Variants in CNTN6 observed in about 807,000 individuals in gnomAD.
CNTN6 encodes contactin-6.
CNTN6 carries 137 observed loss-of-function variants against 122.8 expected under a neutral mutation model. That is an observed-to-expected ratio of 1.12 (90% CI 0.97 to 1.29). CNTN6 has a LOEUF of 1.29. CNTN6 is among the 50% of genes most tolerant of loss of function. The pLI is 0.00. For missense variants in CNTN6, 1,634 were observed against 1,223.4 expected, an observed-to-expected ratio of 1.34 and a Z score of -5.01; for synonymous variants, 570 against 426.0, an observed-to-expected ratio of 1.34 and a Z score of -4.16.
intron 20 of CNTN6, among the ~76,000 whole-genome samples, chr3:1,388,468 C>A (rs1015760778): frequency 2.6e-5 from 4 of 151,698 alleles, no homozygotes. Flanking sequence ...GGGGAAAAAA[C>A]AGAACAGAAA....
At chr3:1,124,793 G>A (rs978600513) in intron 1 of CNTN6, among the ~76,000 whole-genome samples, 1 of 151,858 alleles carries the variant, frequency 6.6e-6, no homozygotes, top group African/African-American at 2.4e-5. Context: ...CCTCCATGAA[G>A]ATTTTCTGAC....
chr3:1,216,336 G>T (rs2094130130), intron 2 of CNTN6, among the ~76,000 whole-genome samples: 1 of 152,144 alleles, frequency 6.6e-6, no homozygotes, highest in African/African-American at 2.4e-5. Context: ...GACGACATTA[G>T]GAAATCAAGA....
At chr3:1,300,562 AAAGAAAGAAAG>A (rs1354122768) in intron 7 of CNTN6, among the ~76,000 whole-genome samples, 1 of 23,828 alleles carries the variant, frequency 4.2e-5, no homozygotes, top group Non-Finnish European at 7.2e-5. Flanking sequence ...AAAGAAAAAG[AAAGAAAGAAAG>A]AAAGAAAGAA....
intron 6 of CNTN6, among the ~76,000 whole-genome samples, chr3:1,297,638 C>CTTTTTTTTTTTTTTTTTTT (rs71303106): frequency 7.2e-6 from 1 of 138,544 alleles, no homozygotes; most frequent in African/African-American, 2.6e-5. Context: ...TTGTTTTTTT[C>CTTTTTTTTTTTTTTTTTTT]TTTTTTTTTT....
intron 20 of CNTN6, among the ~76,000 whole-genome samples, chr3:1,389,593 T>A (rs545958279): frequency 6.6e-6 from 1 of 152,156 alleles, no homozygotes; most frequent in South Asian, 2.1e-4. Flanking sequence ...ATGGACTAAA[T>A]GCTCTAATTA....
intron 2 of CNTN6, among the ~76,000 whole-genome samples, chr3:1,156,596 CTT>C (rs1181287100): frequency 6.7e-6 from 1 of 148,668 alleles, no homozygotes; most frequent in East Asian, 2.0e-4. Context: ...CTCAGACTTT[CTT>C]TCTTTCTTTC....
intron 1 of CNTN6, among the ~76,000 whole-genome samples, chr3:1,102,871 G>T (rs2091003642): frequency 1.3e-5 from 2 of 151,080 alleles, no homozygotes; most frequent in East Asian, 2.0e-4. Flanking sequence ...ACTTTTGGAG[G>T]CCGAGGCGGG....
intron 7 of CNTN6, among the ~76,000 whole-genome samples, chr3:1,302,243 G>A (rs1697558112): frequency 1.3e-5 from 2 of 149,900 alleles, no homozygotes; most frequent in African/African-American, 2.5e-5. Flanking sequence ...TTTGGTTTTA[G>A]TCATTTTTTT....
chr3:1,160,108 C>T (rs1275971020), intron 2 of CNTN6, among the ~76,000 whole-genome samples: 3 of 152,006 alleles, frequency 2.0e-5, no homozygotes, highest in Non-Finnish European at 4.4e-5. Context: ...CATCAGCCAC[C>T]ACGCCCGGCC....
intron 8 of CNTN6, among the ~76,000 whole-genome samples, chr3:1,325,096 C>G (rs1349655514): frequency 6.6e-6 from 1 of 151,808 alleles, no homozygotes; most frequent in African/African-American, 2.4e-5. Context: ...TCCAACCCGC[C>G]TGTTTCCATG....
intron 1 of CNTN6, among the ~76,000 whole-genome samples, chr3:1,133,089 T>A (rs1487901104): frequency 6.6e-6 from 1 of 152,028 alleles, no homozygotes; most frequent in Admixed American, 6.6e-5. Context: ...CACCAAGCAA[T>A]ATGCCGAAAA....
At chr3:1,180,564 G>C (rs1051502119) in intron 2 of CNTN6, among the ~76,000 whole-genome samples, 14 of 152,158 alleles carry the variant, frequency 9.2e-5, no homozygotes, top group Admixed American at 7.9e-4. Flanking sequence ...GTTTCAACTA[G>C]AATAGAAATG....
intron 2 of CNTN6, among the ~76,000 whole-genome samples, chr3:1,211,840 G>A (rs1266171221): frequency 1.3e-5 from 2 of 152,156 alleles, no homozygotes; most frequent in African/African-American, 4.8e-5. Flanking sequence ...AAACACCAGA[G>A]CCCAAGAAGA....
At chr3:1,271,619 G>T (rs1315754164) in intron 4 of CNTN6, among the ~76,000 whole-genome samples, 1 of 152,102 alleles carries the variant, frequency 6.6e-6, no homozygotes, top group East Asian at 1.9e-4. Flanking sequence ...TAAGGGTGGA[G>T]ATAAATCGAG....
chr3:1,216,538 C>T (rs967130459), intron 2 of CNTN6, among the ~76,000 whole-genome samples: 29 of 152,198 alleles, frequency 1.9e-4, no homozygotes, highest in Admixed American at 2.0e-4. Flanking sequence ...AGAAAACTCA[C>T]TCAAACATCT....
At chr3:1,397,866 A>T (rs1474730300) in intron 20 of CNTN6, among the ~76,000 whole-genome samples, 4 of 152,092 alleles carry the variant, frequency 2.6e-5, no homozygotes, top group Non-Finnish European at 5.9e-5. Flanking sequence ...TGTCAACCCC[A>T]TGCTGTTACT....
chr3:1,172,957 C>G (rs2093385258), intron 2 of CNTN6, among the ~76,000 whole-genome samples: 1 of 152,148 alleles, frequency 6.6e-6, no homozygotes, highest in African/African-American at 2.4e-5. Context: ...ACATGTCTTC[C>G]TACTGGAAGA....
intron 4 of CNTN6, among the ~76,000 whole-genome samples, chr3:1,242,276 G>A (rs1406163737): frequency 6.6e-6 from 1 of 152,024 alleles, no homozygotes; most frequent in Admixed American, 6.5e-5. Context: ...GGGGAATAGT[G>A]AAAAAAGCAT....
rs577545885 is a variant in CNTN6, at chr3:1,391,804, A to G, written c.2704+6007A>G. ...AAATCATGAGTGAACTCCCATTCACAATTGCTTCAAAGAGAATAAAATACC... is the reference window on the plus strand; with the variant it reads ...AAATCATGAGTGAACTCCCATTCACGATTGCTTCAAAGAGAATAAAATACC... On this transcript the variant is annotated intron_variant, in intron 20 of 22. Transcript: ENST00000446702. Among the ~76,000 whole-genome samples the G allele has an allele frequency of 1.7e-3, 255 of 151,208 alleles. 1 individual carries two copies. Among genetic ancestry groups the G allele is most frequent in the African/African-American group, 5.7e-3 (235 of 41,184 alleles).
Sources: allele counts gnomAD v4.1 joint callset (sites outside exome capture counted in the v4.1 genomes callset), GRCh38; gene constraint gnomAD v4.1.1; transcripts MANE v1.5; gene names NCBI Gene and HGNC (gene_info 2026-07-23, HGNC 2026-07-21).